Variants in FAT2 observed in about 807,000 individuals in gnomAD.
The protein encoded by FAT2 is protocadherin Fat 2.
In FAT2, 150 loss-of-function variants were observed where a neutral mutation model predicts 295.3. The observed-to-expected ratio is 0.51, with a 90% CI of 0.44 to 0.58. The LOEUF (loss-of-function observed/expected upper bound fraction) is 0.58, where lower values mean the gene tolerates loss of function less well. Among genes scored for constraint, FAT2 ranks in the 20% least tolerant of loss-of-function variants. FAT2 has a pLI of 0.00. For synonymous variants in FAT2, 2,026 were observed against 2,150.3 expected (o/e 0.94, Z 1.60); for missense variants, 4,868 against 5,442.7 (o/e 0.89, Z 3.32).
At chr5:151,529,544 A>C in intron 14 of FAT2, 152 bp from the exon 15 acceptor site, 1 of 630,570 alleles carries the variant, frequency 1.6e-6, no homozygotes, top group South Asian at 1.9e-5. Flanking sequence ...TCCCTTTGCT[A>C]TCCCCTTGAC....
chr5:151,505,725 C>T lies in FAT2; in HGVS notation c.12890G>A (p.Gly4297Glu), dbSNP rs1227803494. The change falls in exon 24 of 24, where the codon GGG becomes GAG. Residue 4297 changes from glycine (G) to glutamate (E), a missense_variant. By Grantham distance (98) the Gly-to-Glu change is moderately conservative. Coordinates refer to ENST00000261800, the MANE Select transcript of FAT2 (RefSeq NM_001447.3). ...AGCTCGGCTGAGGCGCATACCCACC[C>T]CCTTGTAGCCCCCGTCTGCCAGGCA... is the stretch of plus-strand genomic sequence containing the variant. ...GPCLADGGYK[G>E]VGMRLSRAGP... is the part of the protein sequence containing the mutation. The T allele has an allele frequency of 1.9e-6, 3 of 1,613,832 alleles. No individual in the cohort carries two copies. Among genetic ancestry groups the T allele is most frequent in the Admixed American group, 1.7e-5 (1 of 60,014 alleles).
chr5:151,583,644 G>C, intron 1 of FAT2, among the ~76,000 whole-genome samples: 1 of 152,092 alleles, frequency 6.6e-6, no homozygotes, highest in Non-Finnish European at 1.5e-5. Flanking sequence ...AAAATTCATT[G>C]AGCTGTACAC....
chr5:151,550,136 T>G (rs965887155), intron 8 of FAT2, among the ~76,000 whole-genome samples: 1 of 152,112 alleles, frequency 6.6e-6, no homozygotes, highest in Non-Finnish European at 1.5e-5. Context: ...GTGCAAAATT[T>G]AAAGAGGCTC....
At chr5:151,565,647 A>AGGCCCCCCCCCC in intron 2 of FAT2, 26 bp downstream of exon 2, 1 of 1,461,028 alleles carries the variant, frequency 6.8e-7, no homozygotes, top group Non-Finnish European at 9.3e-7. Flanking sequence ...TGGCCCTGGC[A>AGGCCCCCCCCCC]CCCCACCCTA....
chr5:151,542,897 G>C lies in FAT2; in HGVS notation c.8230C>G (p.Pro2744Ala), dbSNP rs2127606349. Residue 2744 changes from proline to alanine, a missense_variant, in exon 10 of 24, where the codon CCA becomes GCA. By Grantham distance (27) the Pro-to-Ala change is conservative. Coordinates refer to ENST00000261800, the MANE Select transcript of FAT2 (RefSeq NM_001447.3). ...CTCACCTTTATGACCCCTGTGTCTGGGTCTAGGGAGAAGACACCATCCTTG... is the reference window on the plus strand; with the variant it reads ...CTCACCTTTATGACCCCTGTGTCTGCGTCTAGGGAGAAGACACCATCCTTG... ...SNKDGVFSLD[P>A]DTGVIKVRKP... 1 of 1,614,118 alleles carries C rather than the reference G, an allele frequency of 6.2e-7. No individual in the cohort carries two copies. The highest frequency in any genetic ancestry group is 8.5e-7 in the Non-Finnish European group (1 of 1,180,020).
At position 151,571,448 on chromosome 5, in the gene FAT2, G is replaced by A. The variant is rs562779054; in HGVS notation, c.-20-2497C>T. Reference sequence around the variant, plus strand: ...TGTTCACCAGGTCAGCACCCGTGTTGGGCAGGCCCCAGCAAGATACTCTGC... The same window carrying A: ...TGTTCACCAGGTCAGCACCCGTGTTAGGCAGGCCCCAGCAAGATACTCTGC... On this transcript the variant is annotated intron_variant, in intron 1 of 23. Transcript: ENST00000261800. 3.3e-5 allele frequency among the ~76,000 whole-genome samples: 5 copies of A among 152,318 alleles called. No homozygotes were observed. The South Asian group carries it at 1.0e-3, about 32-fold the overall frequency.
chr5:151,567,788 C>G lies in FAT2; in HGVS notation c.1144G>C (p.Val382Leu). The G allele has an allele frequency of 1.9e-6, 3 of 1,614,168 alleles. No homozygotes were observed. The highest frequency in any genetic ancestry group is 2.7e-5 in the African/African-American group (2 of 75,030). Residue 382 changes from valine (V) to leucine (L), a missense_variant, in exon 2 of 24, where the codon GTG becomes CTG. Transcript: ENST00000261800. ...AAGGCTGGGGTGACTCTCACCATCA[C>G]CACGCGGCTGCCAGGAGGGGAAAAC... ...SEFSPPGSRV[V>L]MVRVTPAFPN...
intron 21 of FAT2, chr5:151,511,325 A>G (rs75616892): frequency 0.15 from 22,602 of 152,262 alleles, 2,168 homozygotes; most frequent in Non-Finnish European, 0.2. Flanking sequence ...TGTGTGATGT[A>G]TAGAATAGAT....
rs1290060228 is a variant in FAT2, at chr5:151,507,440, C to T, written c.12231G>A (p.Lys4077=). Residue 4077 remains lysine, a synonymous_variant, in exon 23 of 24, where the codon AAG becomes AAA. Transcript: ENST00000261800. The part of the protein sequence containing the change: ...LFYCRRCKSH[K]PVAMEDPDLL... ...GGTCTGGGTCCTCCATGGCCACAGG[C>T]TTGTGAGACTTGCAACGGCGGCAGT... The T allele has an allele frequency of 6.2e-7, 1 of 1,614,168 alleles. No homozygotes were observed. The highest frequency in any genetic ancestry group is 8.5e-7 in the Non-Finnish European group (1 of 1,180,020).
intron 12 of FAT2, among the ~76,000 whole-genome samples, chr5:151,535,156 C>G (rs922416065): frequency 6.6e-6 from 1 of 151,886 alleles, no homozygotes; most frequent in African/African-American, 2.4e-5. Flanking sequence ...CAGTAAAACA[C>G]CATGTGTGGT....
intron 18 of FAT2, among the ~76,000 whole-genome samples, chr5:151,523,126 C>A (rs540715683): frequency 6.6e-6 from 1 of 152,088 alleles, no homozygotes; most frequent in South Asian, 2.1e-4. Context: ...CACTCCAACA[C>A]TTTTAATGTA....
chr5:151,565,435 A>G (rs1165437460), intron 2 of FAT2, among the ~76,000 whole-genome samples: 2 of 152,154 alleles, frequency 1.3e-5, no homozygotes, highest in Non-Finnish European at 2.9e-5. Flanking sequence ...TTACTTTTAT[A>G]AACAGAATAT....
At position 151,521,602 on chromosome 5, in the gene FAT2, G is replaced by A. The variant is rs35963695; in HGVS notation, c.10991C>T (p.Ala3664Val). Reference protein sequence around the residue: ...FLSHKLDIKRANIHLASLQPA... With the variant: ...FLSHKLDIKRVNIHLASLQPA... Reference sequence around the variant, plus strand: ...CTGGAGGCTGGCCAAGTGAATGTTAGCCCGTTTGATGTCCAGCTTATGGCT... The same window carrying A: ...CTGGAGGCTGGCCAAGTGAATGTTAACCCGTTTGATGTCCAGCTTATGGCT... The change falls in exon 19 of 24, where the codon GCT becomes GTT. Residue 3664 changes from alanine (A) to valine (V), a missense_variant. Coordinates refer to ENST00000261800, the MANE Select transcript of FAT2 (RefSeq NM_001447.3). 2 of 1,614,216 alleles carry A rather than the reference G, an allele frequency of 1.2e-6. No homozygotes were observed. Among genetic ancestry groups the A allele is most frequent in the Non-Finnish European group, 1.7e-6 (2 of 1,180,040 alleles).
At chr5:151,574,867 C>T (rs142505217) in intron 1 of FAT2, among the ~76,000 whole-genome samples, 103 of 152,322 alleles carry the variant, frequency 6.8e-4, no homozygotes, top group African/African-American at 2.4e-3. Flanking sequence ...GAGCCAGTGG[C>T]TTGAGCCATT....
chr5:151,511,066 C>T (rs2127569077), intron 21 of FAT2: 1 of 152,616 alleles, frequency 6.6e-6, no homozygotes, highest in Middle Eastern at 3.4e-3. Flanking sequence ...CCGGCTCCTG[C>T]TGGAAGGTGG....
chr5:151,569,227 T>G (rs942920084), intron 1 of FAT2, among the ~76,000 whole-genome samples: 1 of 152,128 alleles, frequency 6.6e-6, no homozygotes, highest in Non-Finnish European at 1.5e-5. Flanking sequence ...GGGTAATTTA[T>G]AAAGGAATGA....
intron 21 of FAT2, chr5:151,511,800 C>A (rs368852884): frequency 1.4e-5 from 3 of 213,938 alleles, no homozygotes; most frequent in South Asian, 2.4e-4. Context: ...TAAATGTTTG[C>A]CTCTAGTGTT....
At chr5:151,507,787 A>G (rs1404493743) in intron 22 of FAT2, among the ~76,000 whole-genome samples, 176 bp from the exon 23 acceptor site, 1 of 152,036 alleles carries the variant, frequency 6.6e-6, no homozygotes, top group African/African-American at 2.4e-5. Flanking sequence ...ACCTTCCACC[A>G]GTAAAGTATG....
chr5:151,585,471 G>A (rs759477278), intron 1 of FAT2, among the ~76,000 whole-genome samples: 4 of 152,240 alleles, frequency 2.6e-5, no homozygotes, highest in Non-Finnish European at 5.9e-5. Context: ...AATTAGCTGG[G>A]CGTGGTGGCA....
Sources: allele counts gnomAD v4.1 joint callset (sites outside exome capture counted in the v4.1 genomes callset), GRCh38; gene constraint gnomAD v4.1.1; transcripts MANE v1.5; gene names NCBI Gene and HGNC (gene_info 2026-07-23, HGNC 2026-07-21).